Variants in TDRD9 observed in about 807,000 individuals in gnomAD.
TDRD9 encodes ATP-dependent RNA helicase TDRD9.
Under a neutral mutation model 172.6 loss-of-function variants are expected in TDRD9, and 124 were observed. The ratio of observed to expected loss-of-function variants is 0.72; its 90% CI spans 0.62 to 0.83. TDRD9 has a LOEUF of 0.83. Ranked by LOEUF, TDRD9 falls within the 40% of genes least tolerant of loss-of-function variation. The pLI is 0.00. For missense variants in TDRD9, 1,479 were observed against 1,714.1 expected, an observed-to-expected ratio of 0.86 and a Z score of 2.42; for synonymous variants, 619 against 617.1, an observed-to-expected ratio of 1.00 and a Z score of -0.05.
Position 104,014,681 on chromosome 14 carries a change from CAT to C in TDRD9, c.2107-41_2107-40del, listed in dbSNP as rs1251149968. The C allele has an allele frequency of 6.2e-6, 7 of 1,136,982 alleles. No homozygotes were observed. The East Asian group carries it at 1.6e-4, about 27-fold the overall frequency. 70.4% of individuals were successfully genotyped at this position (1,136,982 alleles called of 1,614,324 possible). ...TCTAGTGTTTTCACTGCTCTGATGA[CAT>C]ATGTACCTTTGAGACATCAGATTTC... On this transcript the variant is annotated intron_variant, in intron 20 of 35. Transcript: ENST00000409874.
At chr14:104,034,539 G>A (rs954444539) in intron 31 of TDRD9, among the ~76,000 whole-genome samples, 1 of 152,194 alleles carries the variant, frequency 6.6e-6, no homozygotes, top group African/African-American at 2.4e-5. Flanking sequence ...CTGGTGCGAG[G>A]TTACGCGGTG....
chr14:104,031,492 T>TTTA (rs1179566454), intron 29 of TDRD9, among the ~76,000 whole-genome samples: 1 of 145,594 alleles, frequency 6.9e-6, no homozygotes, highest in Non-Finnish European at 1.5e-5. Flanking sequence ...TTTTTTTTTT[T>TTTA]AAACCCTCCT....
intron 20 of TDRD9, among the ~76,000 whole-genome samples, chr14:104,011,466 A>C (rs1276800277): frequency 6.6e-6 from 1 of 152,214 alleles, no homozygotes; most frequent in African/African-American, 2.4e-5. Flanking sequence ...ATAACTAGAA[A>C]TGTATTTCTT....
chr14:103,939,661 G>T (rs2031048361), intron 1 of TDRD9: 2 of 116,616 alleles, frequency 1.7e-5, no homozygotes, highest in Admixed American at 1.0e-4. Flanking sequence ...AACGCAGGGA[G>T]AATAAAGTTA....
At chr14:103,932,096 T>C (rs1291068073) in intron 1 of TDRD9, among the ~76,000 whole-genome samples, 2 of 152,306 alleles carry the variant, frequency 1.3e-5, no homozygotes, top group East Asian at 3.9e-4. Flanking sequence ...CACCTTGATT[T>C]AGCTTTAGGA....
intron 1 of TDRD9, among the ~76,000 whole-genome samples, chr14:103,938,412 G>A (rs4271542): frequency 3.2e-3 from 232 of 73,018 alleles, no homozygotes; most frequent in African/African-American, 9.3e-3. Flanking sequence ...GTGTGTGTGT[G>A]TGTATATATA....
At chr14:104,041,741 G>A (rs1296979930) in intron 33 of TDRD9, among the ~76,000 whole-genome samples, 1 of 152,132 alleles carries the variant, frequency 6.6e-6, no homozygotes, top group African/African-American at 2.4e-5. Context: ...CATTGCTGGT[G>A]GGAATGCAGA....
Position 104,052,203 on chromosome 14 carries a change from C to T in TDRD9, c.*121C>T. ...TGTTACAGTCTGTGCCCACTGCATCCTAAAGGCCTTTTCTTTCTTCTTTTC... is the reference window on the plus strand; with the variant it reads ...TGTTACAGTCTGTGCCCACTGCATCTTAAAGGCCTTTTCTTTCTTCTTTTC... On this transcript the variant is annotated 3_prime_UTR_variant, in exon 36 of 36. Transcript: ENST00000409874. The T allele has an allele frequency of 1.7e-6, 1 of 590,730 alleles. No individual in the cohort carries two copies. The highest frequency in any genetic ancestry group is 3.0e-6 in the Non-Finnish European group (1 of 337,686). 36.6% of individuals were successfully genotyped at this position (590,730 alleles called of 1,614,324 possible).
chr14:104,014,242 A>T (rs1349297861), intron 20 of TDRD9, among the ~76,000 whole-genome samples: 29 of 135,092 alleles, frequency 2.1e-4, no homozygotes, highest in African/African-American at 4.5e-4. Context: ...AAAAAAAAAA[A>T]AAAAAAAAGA....
At chr14:104,005,587 ACT>A (rs1566776823) in intron 15 of TDRD9, among the ~76,000 whole-genome samples, 182 bp downstream of exon 15, 1 of 151,250 alleles carries the variant, frequency 6.6e-6, no homozygotes, top group Non-Finnish European at 1.5e-5. Flanking sequence ...TTTCCCGCTA[ACT>A]CTGTTCCTCA....
intron 6 of TDRD9, among the ~76,000 whole-genome samples, chr14:103,972,272 A>C (rs1297278310): frequency 6.6e-6 from 1 of 152,054 alleles, no homozygotes; most frequent in Non-Finnish European, 1.5e-5. Flanking sequence ...GTGCCACTGC[A>C]CTCCAGCCTG....
chr14:103,947,841 G>C (rs1272582297), intron 1 of TDRD9, among the ~76,000 whole-genome samples: 1 of 152,020 alleles, frequency 6.6e-6, no homozygotes, highest in Non-Finnish European at 1.5e-5. Context: ...GACACCAAAG[G>C]CACAGGCAAC....
Position 104,026,208 on chromosome 14 carries a change from T to C in TDRD9, c.3021+72T>C, listed in dbSNP as rs2035112812. 21 of 1,058,774 alleles carry C rather than the reference T, an allele frequency of 2.0e-5. 1 individual carries two copies. The South Asian group carries it at 2.8e-4, about 14-fold the overall frequency. 65.6% of individuals were successfully genotyped at this position (1,058,774 alleles called of 1,614,324 possible). A position where few individuals can be genotyped will look rare whatever the true frequency, so the allele number is the denominator to read the frequency against. On this transcript the variant is annotated intron_variant, in intron 27 of 35. Coordinates refer to ENST00000409874, the MANE Select transcript of TDRD9 (RefSeq NM_153046.3). Reference sequence around the variant, plus strand: ...GATTCCTGGGTGGATTCCTGGGTCATATGGTGCCCTGCCTCGGCTTACAGC... The same window carrying C: ...GATTCCTGGGTGGATTCCTGGGTCACATGGTGCCCTGCCTCGGCTTACAGC...
rs375508576 is a variant in TDRD9 at position 104,007,186 on chromosome 14, G to A, written c.2034G>A (p.Gly678=). 47 of 1,613,908 alleles carry A rather than the reference G, an allele frequency of 2.9e-5. No homozygotes were observed. Among genetic ancestry groups the A allele is most frequent in the Non-Finnish European group, 3.8e-5 (45 of 1,179,854 alleles). The change falls in exon 19 of 36, where the codon GGG becomes GGA. Residue 678 remains glycine (G), a synonymous_variant. Transcript: ENST00000409874. ...CATGGAAGGCTTGCAGACAGACAGGGGAGCTGCGGTACCCGAAGGTTGGTG... is the reference window on the plus strand; with the variant it reads ...CATGGAAGGCTTGCAGACAGACAGGAGAGCTGCGGTACCCGAAGGTTGGTG... ...FKTWKACRQT[G]ELRYPKDELN... is the part of the protein sequence containing the mutation.
intron 25 of TDRD9, among the ~76,000 whole-genome samples, chr14:104,025,055 C>T (rs1441708156): frequency 1.3e-5 from 2 of 152,206 alleles, no homozygotes; most frequent in Non-Finnish European, 2.9e-5. Context: ...GATCTCTGTT[C>T]ACTGCAACCT....
intron 1 of TDRD9, among the ~76,000 whole-genome samples, chr14:103,934,038 T>G (rs1447368511): frequency 6.6e-6 from 1 of 152,148 alleles, no homozygotes; most frequent in Non-Finnish European, 1.5e-5. Context: ...TCCACTTTTT[T>G]TTTTTCTTGC....
At chr14:104,025,222 T>C (rs752779375) in intron 25 of TDRD9, among the ~76,000 whole-genome samples, 19 of 152,206 alleles carry the variant, frequency 1.2e-4, no homozygotes, top group Non-Finnish European at 2.6e-4. Flanking sequence ...TCTCTAGTGA[T>C]CTGCCCACCT....
intron 19 of TDRD9, among the ~76,000 whole-genome samples, chr14:104,007,623 T>C (rs2034483727): frequency 6.8e-6 from 1 of 148,118 alleles, no homozygotes; most frequent in Non-Finnish European, 1.5e-5. Context: ...TGTAATCTGT[T>C]ACCCTCCATT....
chr14:104,003,833 C>T (rs1409861034), intron 13 of TDRD9, among the ~76,000 whole-genome samples: 1 of 151,974 alleles, frequency 6.6e-6, no homozygotes, highest in Non-Finnish European at 1.5e-5. Context: ...TGAGACAGCT[C>T]CTCGATGGCA....
Sources: allele counts gnomAD v4.1 joint callset (sites outside exome capture counted in the v4.1 genomes callset), GRCh38; gene constraint gnomAD v4.1.1; transcripts MANE v1.5; gene names NCBI Gene and HGNC (gene_info 2026-07-23, HGNC 2026-07-21).